Variants in NPC1L1 observed in about 807,000 individuals in gnomAD.
NPC1L1 encodes the protein NPC1 like intracellular cholesterol transporter 1.
In NPC1L1, 98 loss-of-function variants were observed where a neutral mutation model predicts 117.0. That is an observed-to-expected ratio of 0.84 (90% confidence interval 0.71 to 0.99). NPC1L1 has a LOEUF of 0.99. NPC1L1 is among the 50% of genes least tolerant of loss of function. The pLI is 0.00. For synonymous variants in NPC1L1, 729 were observed against 727.6 expected, an observed-to-expected ratio of 1.00 and a Z score of -0.03; for missense variants, 1,540 against 1,710.0, an observed-to-expected ratio of 0.90 and a Z score of 1.75.
At chr7:44,535,104 G>T (rs1801832100) in intron 5 of NPC1L1, among the ~76,000 whole-genome samples, 1 of 152,092 alleles carries the variant, frequency 6.6e-6, no homozygotes, top group Non-Finnish European at 1.5e-5. Context: ...GCCGGACGTG[G>T]TAGCTCACGC....
chr7:44,513,786 T>A, intron 18 of NPC1L1, 137 bp from the exon 19 acceptor site: 2 of 945,332 alleles, frequency 2.1e-6, no homozygotes, highest in Non-Finnish European at 3.3e-6. Flanking sequence ...CCAGGGTCAC[T>A]ATGTTCACAG....
intron 8 of NPC1L1, 181 bp downstream of exon 8, chr7:44,533,250 C>A: frequency 1.4e-6 from 1 of 694,422 alleles, no homozygotes; most frequent in Non-Finnish European, 2.3e-6. Context: ...ATTGTCAAAA[C>A]AAATTTATTT....
Position 44,517,326 on chromosome 7 carries a change from C to T in NPC1L1, c.3168G>A (p.Leu1056=). The T allele has an allele frequency of 1.2e-6, 2 of 1,613,750 alleles. No homozygotes were observed. The highest frequency in any genetic ancestry group is 1.7e-6 in the Non-Finnish European group (2 of 1,180,036). Residue 1056 remains leucine (L), a synonymous_variant, in exon 15 of 19, where the codon CTG becomes CTA. Transcript: ENST00000381160. ...ASRFMAYHKP[L]KNSQDYTEAL... is the part of the protein sequence containing the mutation. ...CTTCTGTGTAATCCTGTGAGTTTTT[C>T]AGGGGCTTGTGATAGGCCATGAACC...
At position 44,535,874 on chromosome 7, in the gene NPC1L1, G is replaced by C. The variant is rs762268250; in HGVS notation, c.1949C>G (p.Ala650Gly). The change falls in exon 5 of 19, where the codon GCC (alanine) becomes GGC (glycine). Residue 650 changes from alanine (A) to glycine (G), a missense_variant. By Grantham distance (60) the Ala-to-Gly change is moderately conservative. This residue lies in a region of NPC1L1 where 742 missense variants were observed against 873.6 expected (regional missense o/e 0.85). Coordinates refer to ENST00000381160, the MANE Select transcript of NPC1L1 (RefSeq NM_001101648.2). ...GCTCCAGCTGGAATAGCTGCCCAGG[G>C]CCAGAGAGATGTACAGGAATATGAC... ...YIVIFLYISL[A>G]LGSYSSWSRV... 1 of 1,613,432 alleles carries C rather than the reference G, an allele frequency of 6.2e-7. No individual in the cohort carries two copies. Among genetic ancestry groups the C allele is most frequent in the Admixed American group, 1.7e-5 (1 of 60,028 alleles).
rs1802043692 is a variant in NPC1L1 at position 44,540,045 on chromosome 7, C to T, written c.352G>A (p.Asp118Asn). ...TGGCAGTGCAGGTTCACAAAATTGT[C>T]AGAGCAGGCTGGGCAGCGGGTGAGG... ...ALLTRCPACS[D>N]NFVNLHCHNT... The change falls in exon 2 of 19, where the codon GAC (aspartate) becomes AAC (asparagine). Residue 118 changes from aspartate to asparagine, a missense_variant. Coordinates refer to ENST00000381160, the MANE Select transcript of NPC1L1 (RefSeq NM_001101648.2). The T allele has an allele frequency of 1.2e-6, 2 of 1,614,072 alleles. No homozygotes were observed. The highest frequency in any genetic ancestry group is 1.7e-6 in the Non-Finnish European group (2 of 1,180,050).
chr7:44,533,963 G>T (rs531526588), intron 6 of NPC1L1, 110 bp from the exon 7 acceptor site: 8 of 813,448 alleles, frequency 9.8e-6, no homozygotes, highest in Non-Finnish European at 2.1e-6. Context: ...CTGAGGAGCT[G>T]CTCTGACCTT....
intron 14 of NPC1L1, among the ~76,000 whole-genome samples, chr7:44,518,934 TTTTC>T (rs111564343): frequency 1.4e-4 from 21 of 152,002 alleles, no homozygotes; most frequent in South Asian, 8.3e-4. Context: ...CGTTTCTTCT[TTTTC>T]TTTCTTTCTT....
chr7:44,531,953 G>T, intron 9 of NPC1L1, 109 bp from the exon 10 acceptor site: 1 of 1,528,250 alleles, frequency 6.5e-7, no homozygotes, highest in Non-Finnish European at 8.9e-7. Flanking sequence ...GAGTTGAGCA[G>T]ACTTGCGTGC....
intron 10 of NPC1L1, among the ~76,000 whole-genome samples, chr7:44,527,131 A>C (rs1390700186): frequency 6.6e-6 from 1 of 152,126 alleles, no homozygotes; most frequent in Non-Finnish European, 1.5e-5. Flanking sequence ...CCCTGAAAGA[A>C]ATGCTAAAAG....
In NPC1L1 at chr7:44,533,970, C is replaced by A. The variant is rs1585145710; in HGVS notation, c.2167-117G>T. 21 of 783,798 alleles carry A rather than the reference C, an allele frequency of 2.7e-5. No homozygotes were observed. The East Asian group carries it at 5.3e-4, about 20-fold the overall frequency. The allele number at this position is 783,798 out of a possible 1,614,324, so 48.6% of individuals were successfully genotyped here. ...AGCCAGGCCTGAGGAGCTGCTCTGA[C>A]CTTCCTGAATCATCAGAGACTCTCA... On this transcript the variant is annotated intron_variant, in intron 6 of 18. Coordinates refer to ENST00000381160, the MANE Select transcript of NPC1L1 (RefSeq NM_001101648.2).
chr7:44,541,092 G>A (rs543702734), intron 1 of NPC1L1, 114 bp downstream of exon 1: 57 of 1,171,652 alleles, frequency 4.9e-5, no homozygotes, highest in Middle Eastern at 2.8e-4. Context: ...TGCCCAGCCC[G>A]CAGGCCCTGA....
intron 10 of NPC1L1, 116 bp from the exon 11 acceptor site, chr7:44,522,358 C>G: frequency 1.0e-6 from 1 of 980,238 alleles, no homozygotes; most frequent in Non-Finnish European, 1.6e-6. Flanking sequence ...GGCACATGTT[C>G]AGAGGTCCAT....
At chr7:44,520,852 G>GGGACGAAGCTTCTTTCATCTGCCC in intron 13 of NPC1L1, 32 bp from the exon 14 acceptor site, 1 of 1,613,712 alleles carries the variant, frequency 6.2e-7, no homozygotes, top group Non-Finnish European at 8.5e-7. Context: ...GGCTTAGCCA[G>GGGACGAAGCTTCTTTCATCTGCCC]GGACGAAGCT....
At chr7:44,537,741 T>G (rs1801945907) in intron 2 of NPC1L1, among the ~76,000 whole-genome samples, 1 of 152,136 alleles carries the variant, frequency 6.6e-6, no homozygotes, top group Non-Finnish European at 1.5e-5. Context: ...GTTGTGAGCA[T>G]CCGAAGTCAA....
Position 44,539,994 on chromosome 7 carries a change from G to A in NPC1L1, c.403C>T (p.Leu135Phe), listed in dbSNP as rs767698727. 6.2e-7 allele frequency: 1 copy of A among 1,614,222 alleles called. No individual in the cohort carries two copies. The highest frequency in any genetic ancestry group is 8.5e-7 in the Non-Finnish European group (1 of 1,180,050). Residue 135 changes from leucine to phenylalanine, a missense_variant, in exon 2 of 19, where the codon CTC becomes TTC. Leu to Phe is a conservative substitution (Grantham distance 22). Coordinates refer to ENST00000381160, the MANE Select transcript of NPC1L1 (RefSeq NM_001101648.2). This position sits in a 1 kb window ranked among gnomAD's most constrained non-coding sequence, Gnocchi z 4.4. ...CHNTCSPNQSLFINVTRVAQL... is the reference protein window; with the variant it reads ...CHNTCSPNQSFFINVTRVAQL... ...GCCACGCGGGTCACATTGATGAAGA[G>A]GCTCTGATTGGGGCTGCACGTGTTG... is the stretch of plus-strand genomic sequence containing the variant.
At chr7:44,518,740 C>A in intron 14 of NPC1L1, 2 of 1,148,538 alleles carry the variant, frequency 1.7e-6, no homozygotes, top group Non-Finnish European at 1.1e-6. Flanking sequence ...AACAATAGTG[C>A]TACATAGGTG....
At chr7:44,529,108 TAAACACACACAC>T (rs1801616632) in intron 10 of NPC1L1, among the ~76,000 whole-genome samples, 1 of 73,254 alleles carries the variant, frequency 1.4e-5, no homozygotes. Context: ...TAGAATGAAT[TAAACACACACAC>T]ACACACACAC....
At chr7:44,524,829 G>A (rs1801460791) in intron 10 of NPC1L1, among the ~76,000 whole-genome samples, 1 of 151,634 alleles carries the variant, frequency 6.6e-6, no homozygotes, top group African/African-American at 2.4e-5. Flanking sequence ...ACAAAGTCAA[G>A]GAAAAATTTA....
Position 44,532,343 on chromosome 7 carries a change from C to G in NPC1L1, c.2410-126G>C. 5 of 1,027,618 alleles carry G rather than the reference C, an allele frequency of 4.9e-6. No homozygotes were observed. In the South Asian group the frequency reaches 5.5e-5, roughly 11 times the overall value. The allele number at this position is 1,027,618 out of a possible 1,614,324, so 63.7% of individuals were successfully genotyped here. Reference sequence around the variant, plus strand: ...TGCCAGTGCCCTCATGGAGACATACCAGTGTGCTGTTTTCTTTGCTTTTAT... The same window carrying G: ...TGCCAGTGCCCTCATGGAGACATACGAGTGTGCTGTTTTCTTTGCTTTTAT... On this transcript the variant is annotated intron_variant, in intron 8 of 18. Transcript: ENST00000381160.
Sources: allele counts gnomAD v4.1 joint callset (sites outside exome capture counted in the v4.1 genomes callset), GRCh38; gene constraint gnomAD v4.1.1; regional missense constraint gnomAD v4.1.1; non-coding constraint Gnocchi (gnomAD v3.1); transcripts MANE v1.5; gene names NCBI Gene and HGNC (gene_info 2026-07-23, HGNC 2026-07-21).